The following DGAT1 variants were observed in gnomAD, a reference collection of about 807,000 sequenced individuals.
The protein encoded by DGAT1 is ACAT related gene product 1.
In DGAT1, 60 loss-of-function variants were observed where a neutral mutation model predicts 72.6. That is an observed-to-expected ratio of 0.83 (90% CI 0.67 to 1.02). The LOEUF is 1.02. DGAT1 is among the 50% of genes least tolerant of loss of function. The pLI is 0.00. For missense variants in DGAT1, 592 were observed against 670.0 expected (o/e 0.88, Z 1.29); for synonymous variants, 290 against 267.5 (o/e 1.08, Z -0.82).
In DGAT1 at chr8:144,326,461, A is replaced by C; in HGVS notation, c.176T>G (p.Val59Gly). 1 of 1,350,368 alleles carries C rather than the reference A, an allele frequency of 7.4e-7. No homozygotes were observed. The highest frequency in any genetic ancestry group is 3.1e-5 in the East Asian group (1 of 32,062). 83.6% of individuals were successfully genotyped at this position (1,350,368 alleles called of 1,614,324 possible). ...PAPNKDGDAGVGSGHWELRCH... is the reference protein window; with the variant it reads ...PAPNKDGDAGGGSGHWELRCH... ...CCTCAGCTCCCAGTGGCCGCTGCCC[A>C]CGCCGGCGTCTCCGTCCTTGTTGGG... Residue 59 changes from valine (V) to glycine (G), a missense_variant, in exon 1 of 17, where the codon GTG becomes GGG. Val to Gly is a moderately radical substitution (Grantham distance 109). Transcript: ENST00000528718.
intron 1 of DGAT1, among the ~76,000 whole-genome samples, chr8:144,325,035 G>A (rs1817563453): frequency 6.6e-6 from 1 of 151,826 alleles, no homozygotes; most frequent in Non-Finnish European, 1.5e-5. Flanking sequence ...TTTTACTCCA[G>A]CCTGGGCAAC....
In DGAT1 at chr8:144,318,892, C is replaced by G. The variant is rs1356774486; in HGVS notation, c.358G>C (p.Val120Leu). The change falls in exon 4 of 17, where the codon GTG (valine) becomes CTG (leucine). Residue 120 changes from valine (V) to leucine (L), a missense_variant. Coordinates refer to ENST00000528718, the MANE Select transcript of DGAT1 (RefSeq NM_012079.6). ...KYGILVDPIQVVSLFLKDPYS... is the reference protein window; with the variant it reads ...KYGILVDPIQLVSLFLKDPYS... ...GGATCCTTCAGGAACAGAGAAACCA[C>G]CTGGATGGGGTCCACCAGGATGCCA... 2 of 1,611,626 alleles carry G rather than the reference C, an allele frequency of 1.2e-6. No individual in the cohort carries two copies. Among genetic ancestry groups the G allele is most frequent in the African/African-American group, 2.7e-5 (2 of 74,824 alleles).
rs1554847202 is a variant in DGAT1 at position 144,317,107 on chromosome 8, T to A, written c.1163A>T (p.His388Leu). The change falls in exon 15 of 17, where the codon CAC (histidine) becomes CTC (leucine). Residue 388 changes from histidine (H) to leucine (L), a missense_variant and splice_region_variant. His to Leu is a moderately conservative substitution (Grantham distance 99, BLOSUM62 -3). Transcript: ENST00000528718. Reference sequence around the variant, plus strand: ...CCGTCGAAGCATGGGCTTGTAGAAGTGTCTGCAGAGGAGGGGGCATGGAAA... The same window carrying A: ...CCGTCGAAGCATGGGCTTGTAGAAGAGTCTGCAGAGGAGGGGGCATGGAAA... ...NIPVHKWCIR[H>L]FYKPMLRRGS... The A allele has an allele frequency of 6.2e-7, 1 of 1,612,874 alleles. No individual in the cohort carries two copies. Among genetic ancestry groups the A allele is most frequent in the Admixed American group, 1.7e-5 (1 of 60,004 alleles).
chr8:144,320,135 G>A (rs1817405803), intron 2 of DGAT1, among the ~76,000 whole-genome samples: 1 of 152,240 alleles, frequency 6.6e-6, no homozygotes. Flanking sequence ...CCACCTCCAG[G>A]CCCAGGCCAC....
rs566176291 is a variant in DGAT1 at position 144,324,639 on chromosome 8, A to G, written c.200+1798T>C. Among the ~76,000 whole-genome samples, 77 of 152,198 alleles carry G rather than the reference A, an allele frequency of 5.1e-4. 1 individual carries two copies. The highest frequency in any genetic ancestry group is 2.2e-3 in the Admixed American group (34 of 15,282). On this transcript the variant is annotated intron_variant, in intron 1 of 16. Transcript: ENST00000528718. ...ACCAGGCCTCTCCCACGAGCTCTGC[A>G]CCCATCCCACACCAGCAGAAGTACA...
At chr8:144,318,391 C>A (rs1457238448) in intron 6 of DGAT1, 29 bp from the exon 7 acceptor site, 1 of 1,608,494 alleles carries the variant, frequency 6.2e-7, no homozygotes, top group South Asian at 1.1e-5. Flanking sequence ...CAGGCCTCCA[C>A]AGCGCCACAG....
In DGAT1 at chr8:144,326,159, C is replaced by T. The variant is rs571129750; in HGVS notation, c.200+278G>A. Among the ~76,000 whole-genome samples, 6 of 152,192 alleles carry T rather than the reference C, an allele frequency of 3.9e-5. No individual in the cohort carries two copies. In the East Asian group the frequency reaches 1.2e-3, roughly 30 times the overall value. On this transcript the variant is annotated intron_variant, in intron 1 of 16. Coordinates refer to ENST00000528718, the MANE Select transcript of DGAT1 (RefSeq NM_012079.6). ...CACCAGCCCGCCCCTCGAAAAGCTCCTCAGGAGCCCCTGAGGATGCACAGA... is the reference window on the plus strand; with the variant it reads ...CACCAGCCCGCCCCTCGAAAAGCTCTTCAGGAGCCCCTGAGGATGCACAGA...
Position 144,316,297 on chromosome 8 carries a change from G to T in DGAT1, c.*257C>A, listed in dbSNP as rs557471091. 660 of 514,832 alleles carry T rather than the reference G, an allele frequency of 1.3e-3. 2 individuals are homozygous for T. Among genetic ancestry groups the T allele is most frequent in the Non-Finnish European group, 1.6e-3 (471 of 290,822 alleles). 31.9% of individuals were successfully genotyped at this position (514,832 alleles called of 1,614,324 possible). On this transcript the variant is annotated 3_prime_UTR_variant, in exon 17 of 17. Transcript: ENST00000528718. ...CCCTGGCAGGCTGAAGAGGTCACTG[G>T]ACAGCACTTTATTGACACCCTCGGA...
Position 144,315,007 on chromosome 8 carries a change from G to A in DGAT1, c.*1547C>T, listed in dbSNP as rs529106452. The A allele has an allele frequency of 1.2e-5, 12 of 985,734 alleles. No homozygotes were observed. In the East Asian group the frequency reaches 4.5e-4, roughly 37 times the overall value. 61.1% of individuals were successfully genotyped at this position (985,734 alleles called of 1,614,324 possible). ...TGTTCGCACTCGGACAGGTGATGCG[G>A]GGCGGGCACACTGTCTTTCTGCCAG... On this transcript the variant is annotated 3_prime_UTR_variant, in exon 17 of 17. Transcript: ENST00000528718.
At position 144,326,587 on chromosome 8, in the gene DGAT1, G is replaced by A; in HGVS notation, c.50C>T (p.Ser17Leu). The change falls in exon 1 of 17, where the codon TCG becomes TTG. Residue 17 changes from serine to leucine, a missense_variant. Ser to Leu is a moderately radical substitution (Grantham distance 145, BLOSUM62 -2). Transcript: ENST00000528718. Reference sequence around the variant, plus strand: ...CGCAGGCCCGCCGCCGCCGTGGCTCGAGGGCCGCGACCCTGTCCTCCGGCG... The same window carrying A: ...CGCAGGCCCGCCGCCGCCGTGGCTCAAGGGCCGCGACCCTGTCCTCCGGCG... ...SRRRRTGSRPSSHGGGGPAAA... is the reference protein window; with the variant it reads ...SRRRRTGSRPLSHGGGGPAAA... The A allele has an allele frequency of 8.1e-7, 1 of 1,240,618 alleles. No individual in the cohort carries two copies. 76.9% of individuals were successfully genotyped at this position (1,240,618 alleles called of 1,614,324 possible). A position where few individuals can be genotyped will look rare whatever the true frequency, so the allele number is the denominator to read the frequency against.
Position 144,316,225 on chromosome 8 carries a change from G to A in DGAT1, c.*329C>T. 3.3e-6 allele frequency: 1 copy of A among 306,640 alleles called. No individual in the cohort carries two copies. Among genetic ancestry groups the A allele is most frequent in the Non-Finnish European group, 6.2e-6 (1 of 162,520 alleles). The allele number at this position is 306,640 out of a possible 1,614,324, so 19.0% of individuals were successfully genotyped here. A position where few individuals can be genotyped will look rare whatever the true frequency, so the allele number is the denominator to read the frequency against. On this transcript the variant is annotated 3_prime_UTR_variant, in exon 17 of 17. Coordinates refer to ENST00000528718, the MANE Select transcript of DGAT1 (RefSeq NM_012079.6). Reference sequence around the variant, plus strand: ...TGGGACAGCTGTCCACACAGCTCTGGCACTCGCCCTTGTGGGTGTGGCCAT... The same window carrying A: ...TGGGACAGCTGTCCACACAGCTCTGACACTCGCCCTTGTGGGTGTGGCCAT...
intron 14 of DGAT1, 23 bp from the exon 15 acceptor site, chr8:144,317,132 A>G (rs1218100314): frequency 1.2e-6 from 2 of 1,612,740 alleles, no homozygotes; most frequent in South Asian, 1.1e-5. Flanking sequence ...GGGCATGGAA[A>G]GCGGTTCAGG....
chr8:144,317,054 C>G lies in DGAT1; in HGVS notation c.1216G>C (p.Gly406Arg). 1.2e-6 allele frequency: 2 copies of G among 1,612,740 alleles called. No individual in the cohort carries two copies. The highest frequency in any genetic ancestry group is 2.2e-5 in the South Asian group (2 of 91,078). Residue 406 changes from glycine to arginine, a missense_variant, in exon 15 of 17, where the codon GGG becomes CGG. Coordinates refer to ENST00000528718, the MANE Select transcript of DGAT1 (RefSeq NM_012079.6). The part of the protein sequence containing the change: ...RGSSKWMART[G>R]VFLASAFFHE... ...AAGAAGGCCGAGGCCAGGAACACCC[C>G]TGTCCTGGCCATCCACTTGCTGCTG... is the stretch of plus-strand genomic sequence containing the variant.
In DGAT1 at chr8:144,316,657, G is replaced by A; in HGVS notation, c.1364C>T (p.Ala455Val). 3 of 1,611,742 alleles carry A rather than the reference G, an allele frequency of 1.9e-6. No individual in the cohort carries two copies. Among genetic ancestry groups the A allele is most frequent in the Non-Finnish European group, 1.7e-6 (2 of 1,179,490 alleles). Residue 455 changes from alanine to valine, a missense_variant, in exon 17 of 17, where the codon GCA becomes GTA. Transcript: ENST00000528718. ...GRFFQGNYGN[A>V]AVWLSLIIGQ... ...GATGATGAGCGACAGCCACACAGCT[G>A]CGTTGCCATAGTTGCCCTGGAAAAA...
At chr8:144,318,199 G>T (rs1441925982) in intron 7 of DGAT1, 30 bp from the exon 8 acceptor site, 1 of 1,609,652 alleles carries the variant, frequency 6.2e-7, no homozygotes, top group Non-Finnish European at 8.5e-7. Flanking sequence ...GGAGGGGGCT[G>T]GTGGGGCCCT....
intron 2 of DGAT1, 21 bp downstream of exon 2, chr8:144,321,300 C>A: frequency 6.2e-7 from 1 of 1,612,268 alleles, no homozygotes; most frequent in African/African-American, 1.3e-5. Context: ...AGACCCGCTC[C>A]CGACACCATG....
rs1384173537 is a variant in DGAT1, at chr8:144,315,372, C to G, written c.*1182G>C. ...GGGAGGATACCACCAAGGGAGCCCA[C>G]CCTCCCCTCACACCACCAGTTCAGC... On this transcript the variant is annotated 3_prime_UTR_variant, in exon 17 of 17. Coordinates refer to ENST00000528718, the MANE Select transcript of DGAT1 (RefSeq NM_012079.6). 1.0e-6 allele frequency: 1 copy of G among 985,462 alleles called. No homozygotes were observed. The highest frequency in any genetic ancestry group is 1.1e-4 in the East Asian group (1 of 8,816). 61.0% of individuals were successfully genotyped at this position (985,462 alleles called of 1,614,324 possible).
At chr8:144,321,441 G>GGGCACCAGCA (rs1390715332) in intron 1 of DGAT1, 33 bp from the exon 2 acceptor site, 1 of 1,604,850 alleles carries the variant, frequency 6.2e-7, no homozygotes, top group African/African-American at 1.3e-5. Flanking sequence ...CCCCCTGAGT[G>GGGCACCAGCA]GGCACCAGCA....
Position 144,326,587 on chromosome 8 carries a change from G to C in DGAT1, c.50C>G (p.Ser17Trp). The stretch of plus-strand genomic sequence containing the variant: ...CGCAGGCCCGCCGCCGCCGTGGCTC[G>C]AGGGCCGCGACCCTGTCCTCCGGCG... Reference protein sequence around the residue: ...SRRRRTGSRPSSHGGGGPAAA... With the variant: ...SRRRRTGSRPWSHGGGGPAAA... The change falls in exon 1 of 17, where the codon TCG (serine) becomes TGG (tryptophan). Residue 17 changes from serine (S) to tryptophan (W), a missense_variant. By Grantham distance (177) the Ser-to-Trp change is radical. Transcript: ENST00000528718. The C allele has an allele frequency of 8.1e-7, 1 of 1,240,620 alleles. No homozygotes were observed. The highest frequency in any genetic ancestry group is 1.0e-6 in the Non-Finnish European group (1 of 992,046). The allele number at this position is 1,240,620 out of a possible 1,614,324, so 76.9% of individuals were successfully genotyped here.
Sources: gnomAD v4.1 joint callset for allele counts (sites outside exome capture counted in the v4.1 genomes callset) on GRCh38, gnomAD v4.1.1 for gene constraint, MANE v1.5 for transcripts, NCBI Gene and HGNC (gene_info 2026-07-23, HGNC 2026-07-21) for gene names.